Variants in CHRM2 observed in about 807,000 individuals in gnomAD.
CHRM2 encodes cholinergic receptor muscarinic 2.
In CHRM2, 8 loss-of-function variants were observed where a neutral mutation model predicts 25.0. The observed-to-expected ratio is 0.32, with a 90% confidence interval of 0.19 to 0.58. CHRM2 has a LOEUF of 0.58. Among genes scored for constraint, CHRM2 ranks in the 20% least tolerant of loss-of-function variants. The pLI is 0.88. For missense variants in CHRM2, 440 were observed against 567.1 expected (o/e 0.78, Z 2.28); for synonymous variants, 202 against 205.7 (o/e 0.98, Z 0.15).
chr7:136,907,378 A>G (rs1039162056), intron 2 of CHRM2, among the ~76,000 whole-genome samples: 5 of 151,970 alleles, frequency 3.3e-5, no homozygotes, highest in Non-Finnish European at 5.9e-5. Flanking sequence ...CTCTCTGGCC[A>G]TGAACTGGGA....
intron 3 of CHRM2, among the ~76,000 whole-genome samples, chr7:137,006,993 A>C (rs1158458167): frequency 6.6e-6 from 1 of 152,106 alleles, no homozygotes; most frequent in African/African-American, 2.4e-5. Flanking sequence ...AGTATTTTGT[A>C]CTTTCTTTAG....
intron 2 of CHRM2, among the ~76,000 whole-genome samples, chr7:136,933,864 C>T (rs954499554): frequency 6.6e-6 from 1 of 152,134 alleles, no homozygotes; most frequent in Non-Finnish European, 1.5e-5. Context: ...ATAGGCAAAT[C>T]TACAGAGATG....
At chr7:136,943,529 T>C (rs1241655037) in intron 2 of CHRM2, among the ~76,000 whole-genome samples, 1 of 152,202 alleles carries the variant, frequency 6.6e-6, no homozygotes, top group East Asian at 1.9e-4. Context: ...TTTATGCATC[T>C]ATGATACATG....
intron 3 of CHRM2, among the ~76,000 whole-genome samples, chr7:136,997,035 C>T (rs574862890): frequency 1.3e-5 from 2 of 152,160 alleles, no homozygotes; most frequent in Non-Finnish European, 2.9e-5. Flanking sequence ...GAGTAGTTGA[C>T]AGCTTTTCTG....
intron 2 of CHRM2, among the ~76,000 whole-genome samples, chr7:136,959,240 A>G (rs1800916416): frequency 6.6e-6 from 1 of 152,236 alleles, no homozygotes; most frequent in Non-Finnish European, 1.5e-5. Flanking sequence ...TTACAAATGA[A>G]TGTATATCTT....
intron 2 of CHRM2, among the ~76,000 whole-genome samples, chr7:136,930,898 CAAAAAAAAAAAAAAAAAA>C (rs57705639): frequency 1.6e-5 from 1 of 61,152 alleles, no homozygotes; most frequent in African/African-American, 4.0e-5. Flanking sequence ...CTCATTCTCT[CAAAAAAAAAAAAAAAAAA>C]AAAAAAAAAA....
At chr7:136,912,231 G>A (rs567902249) in intron 2 of CHRM2, among the ~76,000 whole-genome samples, 2 of 151,734 alleles carry the variant, frequency 1.3e-5, no homozygotes, top group Admixed American at 1.3e-4. Context: ...TCTAAATATT[G>A]GGTGCTGTCA....
At chr7:136,990,534 T>G (rs1803154852) in intron 2 of CHRM2, among the ~76,000 whole-genome samples, 1 of 152,280 alleles carries the variant, frequency 6.6e-6, no homozygotes, top group African/African-American at 2.4e-5. Flanking sequence ...CCCTTATGTC[T>G]TTTCATGGCT....
chr7:136,902,787 ACTTTG>A, intron 2 of CHRM2: 2 of 242,838 alleles, frequency 8.2e-6, no homozygotes, highest in Non-Finnish European at 8.0e-6. Flanking sequence ...TAGACATTAA[ACTTTG>A]AAATTCCACA....
In CHRM2 at chr7:137,015,413, A is replaced by G; in HGVS notation, c.548A>G (p.Asn183Ser). 1 of 1,613,320 alleles carries G rather than the reference A, an allele frequency of 6.2e-7. No individual in the cohort carries two copies. Among genetic ancestry groups the G allele is most frequent in the Non-Finnish European group, 8.5e-7 (1 of 1,179,620 alleles). The change falls in exon 4 of 4, where the codon AAT (asparagine) becomes AGT (serine). Residue 183 changes from asparagine (N) to serine (S), a missense_variant. Asn to Ser is a conservative substitution (Grantham distance 46, BLOSUM62 1). Around this residue, in one of 5 missense-constraint regions of CHRM2, gnomAD observed 261 missense variants for 261.8 expected, o/e 1.00. Transcript: ENST00000680005. The surrounding 1 kb of genome is among the most constrained non-coding windows in gnomAD (Gnocchi z 5.1). ...GAGTGCTACATTCAGTTTTTTTCCAATGCTGCTGTCACCTTTGGTACGGCT... is the reference window on the plus strand; with the variant it reads ...GAGTGCTACATTCAGTTTTTTTCCAGTGCTGCTGTCACCTTTGGTACGGCT... ...DGECYIQFFS[N>S]AAVTFGTAIA...
At chr7:136,932,818 T>C (rs1042255882) in intron 2 of CHRM2, among the ~76,000 whole-genome samples, 1 of 152,060 alleles carries the variant, frequency 6.6e-6, no homozygotes, top group African/African-American at 2.4e-5. Context: ...TCACTTGAGG[T>C]CAGGAGTTCA....
intron 2 of CHRM2, among the ~76,000 whole-genome samples, chr7:136,922,386 A>G (rs903611857): frequency 1.3e-5 from 2 of 152,198 alleles, no homozygotes; most frequent in African/African-American, 4.8e-5. Flanking sequence ...TTCTCTACAT[A>G]AGTAACTAGT....
chr7:136,939,535 G>A (rs1480841743), intron 2 of CHRM2, among the ~76,000 whole-genome samples: 1 of 152,162 alleles, frequency 6.6e-6, no homozygotes, highest in Admixed American at 6.5e-5. Flanking sequence ...CTTTTTATAT[G>A]TTAGCATTCT....
chr7:136,918,972 T>C (rs1171589370), intron 2 of CHRM2, among the ~76,000 whole-genome samples: 1 of 152,154 alleles, frequency 6.6e-6, no homozygotes, highest in Non-Finnish European at 1.5e-5. Context: ...CTATCATTAA[T>C]GGTATAAATA....
chr7:136,999,680 A>G (rs929122760), intron 3 of CHRM2, among the ~76,000 whole-genome samples: 1 of 152,138 alleles, frequency 6.6e-6, no homozygotes, highest in Non-Finnish European at 1.5e-5. Context: ...CACATGACAC[A>G]TTCTTGCTCT....
At chr7:136,929,580 T>G (rs1798943345) in intron 2 of CHRM2, among the ~76,000 whole-genome samples, 1 of 152,132 alleles carries the variant, frequency 6.6e-6, no homozygotes, top group Non-Finnish European at 1.5e-5. Flanking sequence ...CTCTGAGACT[T>G]ATCTTTCCCA....
At chr7:136,873,626 G>A (rs988392026) in intron 2 of CHRM2, among the ~76,000 whole-genome samples, 1 of 152,088 alleles carries the variant, frequency 6.6e-6, no homozygotes. Context: ...TGCAGCCCCT[G>A]GATTCAAACA....
intron 2 of CHRM2, among the ~76,000 whole-genome samples, chr7:136,878,142 A>T (rs1038564550): frequency 2.0e-5 from 3 of 152,024 alleles, no homozygotes; most frequent in African/African-American, 7.2e-5. Context: ...AGAAAGTGAT[A>T]AGAAAATTCT....
In CHRM2 at chr7:136,922,304, G is replaced by A. The variant is rs141251127; in HGVS notation, c.-125+52886G>A. On this transcript the variant is annotated intron_variant, in intron 2 of 3. Coordinates refer to ENST00000680005, the MANE Select transcript of CHRM2 (RefSeq NM_001006630.2). ...TTTGCTCTGGCACTACCTTAGTTTG[G>A]TCCAACATCATATTTCCCCTAGATT... is the stretch of plus-strand genomic sequence containing the variant. Among the ~76,000 whole-genome samples the A allele has an allele frequency of 7.8e-4, 118 of 152,190 alleles. 3 individuals carry two copies. The East Asian group carries it at 0.019, about 24-fold the overall frequency.
Sources: gnomAD v4.1 joint callset for allele counts (sites outside exome capture counted in the v4.1 genomes callset) on GRCh38, gnomAD v4.1.1 for gene constraint, gnomAD v4.1.1 regional missense constraint, Gnocchi (gnomAD v3.1) non-coding constraint, MANE v1.5 for transcripts, NCBI Gene and HGNC (gene_info 2026-07-23, HGNC 2026-07-21) for gene names.